GPR39: variants seen among roughly 807,000 people sequenced by gnomAD.
GPR39 encodes zinc sensing receptor.
A neutral mutation model predicts 18.4 loss-of-function variants in GPR39; 23 were observed. That is an observed-to-expected ratio of 1.25 (90% confidence interval 0.90 to 1.77). The LOEUF is 1.77. GPR39 is among the 40% of genes most tolerant of loss of function. The pLI, the probability that GPR39 is intolerant of heterozygous loss-of-function variation, is 0.00. For synonymous variants in GPR39, 280 were observed against 257.9 expected, an observed-to-expected ratio of 1.09 and a Z score of -0.82; for missense variants, 647 against 602.4, an observed-to-expected ratio of 1.07 and a Z score of -0.78.
intron 1 of GPR39, among the ~76,000 whole-genome samples, chr2:132,468,903 G>A (rs926478058): frequency 3.3e-5 from 5 of 152,212 alleles, no homozygotes; most frequent in Non-Finnish European, 5.9e-5. Context: ...CACGTAGGCA[G>A]TCATTTCAGG....
chr2:132,595,540 C>A (rs921859574), intron 1 of GPR39, among the ~76,000 whole-genome samples: 2 of 152,088 alleles, frequency 1.3e-5, no homozygotes, highest in African/African-American at 2.4e-5. Context: ...ACCCCCACAT[C>A]CCCACCACTG....
In GPR39 at chr2:132,645,459, TGA is replaced by T; in HGVS notation, c.1218_1219del (p.Lys407AspfsTer15). 6.2e-7 allele frequency: 1 copy of T among 1,613,908 alleles called. No individual in the cohort carries two copies. Among genetic ancestry groups the T allele is most frequent in the Non-Finnish European group, 8.5e-7 (1 of 1,180,038 alleles). ...SRRQSSARRT[E>X]KIFLSTFQSE... ...GGCGCCAGTCCTCTGCAAGGAGAAC[TGA>T]GAAGATTTTCTTAAGCACTTTTCAG... On this transcript the variant is annotated frameshift_variant, in exon 2 of 2. Coordinates refer to ENST00000329321, the MANE Select transcript of GPR39 (RefSeq NM_001508.3). LOFTEE classifies it low-confidence loss of function (END_TRUNC).
intron 1 of GPR39, among the ~76,000 whole-genome samples, chr2:132,473,602 C>A (rs1681072019): frequency 6.6e-6 from 1 of 152,020 alleles, no homozygotes; most frequent in Non-Finnish European, 1.5e-5. Context: ...ATATTCAGTA[C>A]CAGAGTCCAT....
At chr2:132,548,172 A>G (rs775003120) in intron 1 of GPR39, among the ~76,000 whole-genome samples, 1 of 152,162 alleles carries the variant, frequency 6.6e-6, no homozygotes, top group Non-Finnish European at 1.5e-5. Context: ...TAGTCTGGCA[A>G]ATATTTCAAT....
chr2:132,484,374 T>C (rs1681291965), intron 1 of GPR39, among the ~76,000 whole-genome samples: 1 of 152,210 alleles, frequency 6.6e-6, no homozygotes, highest in Non-Finnish European at 1.5e-5. Context: ...TAAATATGTT[T>C]TCAAAGGCAT....
At chr2:132,568,913 C>T (rs370820018) in intron 1 of GPR39, among the ~76,000 whole-genome samples, 35 of 152,144 alleles carry the variant, frequency 2.3e-4, no homozygotes, top group East Asian at 1.7e-3. Context: ...CTGGGCAGGC[C>T]TTATCTGCTA....
At chr2:132,545,313 C>A (rs1327457886) in intron 1 of GPR39, among the ~76,000 whole-genome samples, 1 of 152,218 alleles carries the variant, frequency 6.6e-6, no homozygotes, top group African/African-American at 2.4e-5. Flanking sequence ...GAGAAATTAG[C>A]CAGGCAGTCC....
intron 1 of GPR39, among the ~76,000 whole-genome samples, chr2:132,537,197 T>C (rs1323145966): frequency 2.0e-5 from 3 of 152,238 alleles, no homozygotes; most frequent in African/African-American, 7.2e-5. Flanking sequence ...GTTTTTGCAG[T>C]GGCTGGTACT....
intron 1 of GPR39, among the ~76,000 whole-genome samples, chr2:132,612,494 C>T (rs964292410): frequency 1.3e-5 from 2 of 152,188 alleles, no homozygotes; most frequent in African/African-American, 4.8e-5. Flanking sequence ...CTTAGATCTG[C>T]ACTCCTTCCA....
chr2:132,417,989 C>G, intron 1 of GPR39, 91 bp downstream of exon 1: 1 of 1,471,576 alleles, frequency 6.8e-7, no homozygotes, highest in Non-Finnish European at 9.0e-7. Context: ...CAGGGCAAGT[C>G]TTGCCCTAGA....
chr2:132,450,272 C>G (rs1680609510), intron 1 of GPR39, among the ~76,000 whole-genome samples: 1 of 152,212 alleles, frequency 6.6e-6, no homozygotes, highest in African/African-American at 2.4e-5. Context: ...CACTGCTGAT[C>G]AGCATAGAAT....
chr2:132,585,508 A>G (rs1485661214), intron 1 of GPR39, among the ~76,000 whole-genome samples: 4 of 152,032 alleles, frequency 2.6e-5, no homozygotes, highest in African/African-American at 7.3e-5. Flanking sequence ...CCTCGCACAC[A>G]TTTTCCAAAC....
chr2:132,492,170 CATATAT>C lies in GPR39; in HGVS notation c.856+74274_856+74279del, dbSNP rs1224326639. On this transcript the variant is annotated intron_variant, in intron 1 of 1. Transcript: ENST00000329321. ...ATACACCACATAAATATATACACAC[CATATAT>C]ACACCATATATATACATACCATATA... Among the ~76,000 whole-genome samples, 13 of 144,298 alleles carry C rather than the reference CATATAT, an allele frequency of 9.0e-5. No individual in the cohort carries two copies. The East Asian group carries it at 1.6e-3, about 18-fold the overall frequency. The allele number at this position is 144,298 out of a possible 152,430, so 94.7% of individuals were successfully genotyped here.
chr2:132,602,024 C>T (rs1681050837), intron 1 of GPR39, among the ~76,000 whole-genome samples: 1 of 132,726 alleles, frequency 7.5e-6, no homozygotes, highest in Non-Finnish European at 1.6e-5. Context: ...ACATTCTTCA[C>T]AGAAATAGAA....
chr2:132,504,555 A>G (rs942263306), intron 1 of GPR39, among the ~76,000 whole-genome samples: 14 of 152,076 alleles, frequency 9.2e-5, no homozygotes, highest in African/African-American at 3.1e-4. Flanking sequence ...ACACCCTTCA[A>G]TCACCTCTTC....
intron 1 of GPR39, among the ~76,000 whole-genome samples, chr2:132,448,828 A>C (rs1680583802): frequency 6.6e-6 from 1 of 152,218 alleles, no homozygotes; most frequent in African/African-American, 2.4e-5. Flanking sequence ...ATCATGCGGC[A>C]AAATCTCACC....
At chr2:132,644,816 AT>A in intron 1 of GPR39, 1 of 386,132 alleles carries the variant, frequency 2.6e-6, no homozygotes, top group Non-Finnish European at 4.6e-6. Context: ...CAATGAAAAC[AT>A]TTTTTTAAAA....
chr2:132,581,844 A>G (rs1469387504), intron 1 of GPR39, among the ~76,000 whole-genome samples: 3 of 152,204 alleles, frequency 2.0e-5, no homozygotes, highest in Non-Finnish European at 4.4e-5. Context: ...AGGGCGAGTG[A>G]TTCATTTTAT....
chr2:132,558,346 A>C (rs1290555851), intron 1 of GPR39, among the ~76,000 whole-genome samples: 1 of 151,906 alleles, frequency 6.6e-6, no homozygotes, highest in East Asian at 1.9e-4. Context: ...AGGCTCTCCC[A>C]CCCCATGTCC....
Sources: allele counts gnomAD v4.1 joint callset (sites outside exome capture counted in the v4.1 genomes callset), GRCh38; gene constraint gnomAD v4.1.1; transcripts MANE v1.5; gene names NCBI Gene and HGNC (gene_info 2026-07-23, HGNC 2026-07-21).